Variants in DNAH10 observed in about 807,000 individuals in gnomAD.
The protein encoded by DNAH10 is axonemal beta dynein heavy chain 10.
A neutral mutation model predicts 506.6 loss-of-function variants in DNAH10; 348 were observed. The ratio of observed to expected loss-of-function variants is 0.69; its 90% confidence interval spans 0.63 to 0.75. DNAH10 has a LOEUF of 0.75. DNAH10 is among the 30% of genes least tolerant of loss of function. The pLI, the probability that DNAH10 is intolerant of heterozygous loss-of-function variation, is 0.00. For missense variants in DNAH10, 5,179 were observed against 5,787.1 expected (o/e 0.89, Z 3.41); for synonymous variants, 2,059 against 2,198.6 (o/e 0.94, Z 1.78).
chr12:123,934,636 G>T lies in DNAH10; in HGVS notation c.13493G>T (p.Gly4498Val). ...ERAGQGCFVS[G>V]LYLEGADWDI... ...GTGTCCCTAGGATGCTTTGTCTCAGGACTGTACCTGGAAGGTGCTGACTGG... is the reference window on the plus strand; with the variant it reads ...GTGTCCCTAGGATGCTTTGTCTCAGTACTGTACCTGGAAGGTGCTGACTGG... The change falls in exon 78 of 79, where the codon GGA becomes GTA. Residue 4498 changes from glycine to valine, a missense_variant. Coordinates refer to ENST00000673944, the MANE Select transcript of DNAH10 (RefSeq NM_001372106.1). 1.9e-6 allele frequency: 3 copies of T among 1,613,614 alleles called. No homozygotes were observed. The highest frequency in any genetic ancestry group is 2.5e-6 in the Non-Finnish European group (3 of 1,179,766).
intron 12 of DNAH10, among the ~76,000 whole-genome samples, chr12:123,795,496 T>C (rs1958244304): frequency 6.6e-6 from 1 of 152,216 alleles, no homozygotes; most frequent in African/African-American, 2.4e-5. Flanking sequence ...CCTTTCATCT[T>C]CAAAGCCAGT....
chr12:123,862,084 G>C (rs754656386), intron 39 of DNAH10, among the ~76,000 whole-genome samples: 4 of 152,194 alleles, frequency 2.6e-5, no homozygotes, highest in Admixed American at 1.3e-4. Flanking sequence ...TGACAGGAAG[G>C]CTGCAGGAGT....
chr12:123,772,984 T>C, intron 4 of DNAH10, 42 bp downstream of exon 4: 1 of 1,403,982 alleles, frequency 7.1e-7, no homozygotes, highest in East Asian at 2.3e-5. Context: ...GTTGAGGGGG[T>C]GTGGTTGTGC....
chr12:123,925,113 C>T lies in DNAH10; in HGVS notation c.11830C>T (p.Pro3944Ser), dbSNP rs372584178. Reference sequence around the variant, plus strand: ...CTTGGGTTACGATAACAACATCACCCCTTTCCAGAAGTTGCTTATTTTGCG... The same window carrying T: ...CTTGGGTTACGATAACAACATCACCTCTTTCCAGAAGTTGCTTATTTTGCG... ...VPLGYDNNIT[P>S]FQKLLILRCF... Residue 3944 changes from proline (P) to serine (S), a missense_variant, in exon 68 of 79, where the codon CCT (proline) becomes TCT (serine). This residue lies in a region of DNAH10 where 4,844 missense variants were observed against 5,430.5 expected (regional missense o/e 0.89). Transcript: ENST00000673944. This position sits in a 1 kb window ranked among gnomAD's most constrained non-coding sequence, Gnocchi z 4.0. The T allele has an allele frequency of 1.9e-6, 3 of 1,613,886 alleles. No individual in the cohort carries two copies. The highest frequency in any genetic ancestry group is 2.5e-6 in the Non-Finnish European group (3 of 1,179,892).
chr12:123,834,088 A>T (rs1960870821), intron 27 of DNAH10, among the ~76,000 whole-genome samples: 1 of 152,132 alleles, frequency 6.6e-6, no homozygotes, highest in African/African-American at 2.4e-5. Flanking sequence ...CAACTGTGTG[A>T]TCAGGCCTCC....
chr12:123,893,432 C>A lies in DNAH10; in HGVS notation c.9195C>A (p.Phe3065Leu). ...CCCTGAGGACCTGGTGCAGAAACTT[C>A]CCAGGTACCCGCGGTGGAGCCTGTG... ...GDTLRTWCRN[F>L]PGMVNNTGID... is the part of the protein sequence containing the mutation. Residue 3065 changes from phenylalanine (F) to leucine (L), a missense_variant, in exon 53 of 79, where the codon TTC becomes TTA. Phe to Leu is a conservative substitution (Grantham distance 22). Coordinates refer to ENST00000673944, the MANE Select transcript of DNAH10 (RefSeq NM_001372106.1). 5 of 1,612,394 alleles carry A rather than the reference C, an allele frequency of 3.1e-6. 1 individual carries two copies. In the South Asian group the frequency reaches 5.5e-5, roughly 18 times the overall value.
At position 123,929,758 on chromosome 12, in the gene DNAH10, A is replaced by G; in HGVS notation, c.12611A>G (p.Glu4204Gly). Residue 4204 changes from glutamate (E) to glycine (G), a missense_variant and splice_region_variant, in exon 72 of 79, where the codon GAG (glutamate) becomes GGG (glycine). Glu to Gly is a moderately conservative substitution (Grantham distance 98, BLOSUM62 -2). Transcript: ENST00000673944. Reference sequence around the variant, plus strand: ...GGCAGCCTCAAGTACCTAATTGGAGAGGTAGGGGTGACCGGGGATCCTTCC... The same window carrying G: ...GGCAGCCTCAAGTACCTAATTGGAGGGGTAGGGGTGACCGGGGATCCTTCC... ...PWGSLKYLIG[E>G]VMYGGRAIDS... 6.2e-7 allele frequency: 1 copy of G among 1,611,114 alleles called. No individual in the cohort carries two copies.
At chr12:123,918,205 C>T (rs1954570829) in intron 64 of DNAH10, among the ~76,000 whole-genome samples, 1 of 152,242 alleles carries the variant, frequency 6.6e-6, no homozygotes, top group Non-Finnish European at 1.5e-5. Flanking sequence ...TCTCTGCCAG[C>T]TCCCCACATG....
intron 11 of DNAH10, 93 bp downstream of exon 11, chr12:123,790,214 T>TC (rs1958028584): frequency 7.9e-7 from 1 of 1,266,908 alleles, no homozygotes; most frequent in Non-Finnish European, 1.1e-6. Flanking sequence ...GCTTAGTCTT[T>TC]TTTTTTAAAT....
intron 40 of DNAH10, among the ~76,000 whole-genome samples, chr12:123,865,162 C>G (rs945947555): frequency 6.6e-6 from 1 of 152,194 alleles, no homozygotes; most frequent in Non-Finnish European, 1.5e-5. Flanking sequence ...AACTAATATA[C>G]TACGATTACA....
At chr12:123,776,267 C>T (rs1205348758) in intron 5 of DNAH10, among the ~76,000 whole-genome samples, 2 of 152,048 alleles carry the variant, frequency 1.3e-5, no homozygotes, top group Non-Finnish European at 2.9e-5. Flanking sequence ...GGCCATGGGA[C>T]TTGCTAATGA....
chr12:123,829,123 C>T (rs80177254), intron 25 of DNAH10, among the ~76,000 whole-genome samples: 1 of 152,142 alleles, frequency 6.6e-6, no homozygotes, highest in Non-Finnish European at 1.5e-5. Flanking sequence ...CTCACATCTG[C>T]CTTCCTGAAG....
At chr12:123,824,937 T>A (rs1039212932) in intron 24 of DNAH10, among the ~76,000 whole-genome samples, 1 of 152,142 alleles carries the variant, frequency 6.6e-6, no homozygotes, top group Admixed American at 6.5e-5. Flanking sequence ...GGGACGCTAT[T>A]CAGCCCGGTA....
intron 28 of DNAH10, among the ~76,000 whole-genome samples, chr12:123,836,869 T>C (rs539006002): frequency 3.5e-4 from 53 of 151,826 alleles, no homozygotes; most frequent in Non-Finnish European, 6.5e-4. Context: ...TTTTTTTTTT[T>C]TGAGACAGAG....
intron 6 of DNAH10, among the ~76,000 whole-genome samples, chr12:123,781,903 T>G (rs2136022219): frequency 6.6e-6 from 1 of 152,062 alleles, no homozygotes; most frequent in South Asian, 2.1e-4. Context: ...TTATCCCTAG[T>G]GTTTTGGTGT....
intron 56 of DNAH10, 92 bp downstream of exon 56, chr12:123,898,906 C>G: frequency 6.9e-7 from 1 of 1,443,450 alleles, no homozygotes; most frequent in South Asian, 1.5e-5. Context: ...CCATCCCGAG[C>G]AGGACAGGGC....
chr12:123,802,784 A>G (rs1594064066), intron 16 of DNAH10, among the ~76,000 whole-genome samples: 1 of 142,194 alleles, frequency 7.0e-6, no homozygotes, highest in East Asian at 2.0e-4. Flanking sequence ...ATGATATCTC[A>G]TGGTTCTGAT....
At chr12:123,884,249 G>A (rs999779380) in intron 51 of DNAH10, among the ~76,000 whole-genome samples, 13 of 152,184 alleles carry the variant, frequency 8.5e-5, no homozygotes, top group Non-Finnish European at 1.8e-4. Flanking sequence ...TGGCCAGGAT[G>A]GTCTTGAACT....
chr12:123,841,395 C>T lies in DNAH10; in HGVS notation c.5210C>T (p.Ser1737Leu). 6.2e-7 allele frequency: 1 copy of T among 1,614,000 alleles called. No individual in the cohort carries two copies. Among genetic ancestry groups the T allele is most frequent in the Non-Finnish European group, 8.5e-7 (1 of 1,179,884 alleles). Residue 1737 changes from serine (S) to leucine (L), a missense_variant, in exon 30 of 79, where the codon TCA (serine) becomes TTA (leucine). Transcript: ENST00000673944. ...GAAAAACTGGTGTCCGCGATGATTT[C>T]AGCAGAAGGAGAAGTCATGGAGTTT... The part of the protein sequence containing the change: ...SGEKLVSAMI[S>L]AEGEVMEFRK...
Sources: gnomAD v4.1 joint callset for allele counts (sites outside exome capture counted in the v4.1 genomes callset) on GRCh38, gnomAD v4.1.1 for gene constraint, gnomAD v4.1.1 regional missense constraint, Gnocchi (gnomAD v3.1) non-coding constraint, MANE v1.5 for transcripts, NCBI Gene and HGNC (gene_info 2026-07-23, HGNC 2026-07-21) for gene names.